Variants in GDAP1 observed in about 807,000 individuals in gnomAD.
GDAP1 encodes ganglioside induced differentiation associated protein 1, also known as ganglioside-induced differentiation-associated protein 1.
A neutral mutation model predicts 40.1 loss-of-function variants in GDAP1; 34 were observed. The ratio of observed to expected loss-of-function variants is 0.85; its 90% confidence interval spans 0.64 to 1.13. GDAP1 has a LOEUF of 1.13. Ranked by LOEUF, GDAP1 falls within the 50% of genes most tolerant of loss-of-function variation. The pLI is 0.00. For synonymous variants in GDAP1, 170 were observed against 157.4 expected, an observed-to-expected ratio of 1.08 and a Z score of -0.60; for missense variants, 374 against 433.7, an observed-to-expected ratio of 0.86 and a Z score of 1.22.
intron 2 of GDAP1, among the ~76,000 whole-genome samples, chr8:74,457,593 A>G (rs1806351740): frequency 6.6e-6 from 1 of 152,168 alleles, no homozygotes; most frequent in Non-Finnish European, 1.5e-5. Flanking sequence ...CGGAATAAAC[A>G]TTGATTTCAA....
At chr8:74,418,394 G>A (rs1217819882) in intron 2 of GDAP1, among the ~76,000 whole-genome samples, 1 of 152,118 alleles carries the variant, frequency 6.6e-6, no homozygotes, top group Non-Finnish European at 1.5e-5. Flanking sequence ...CAGAAATATG[G>A]CCAATTGATT....
chr8:74,411,378 C>T (rs1160486281), intron 2 of GDAP1, among the ~76,000 whole-genome samples: 10 of 149,636 alleles, frequency 6.7e-5, no homozygotes, highest in Non-Finnish European at 1.2e-4. Context: ...CTGTGTAATG[C>T]TATTAACTTT....
At chr8:74,400,662 A>G (rs1185208187) in intron 2 of GDAP1, among the ~76,000 whole-genome samples, 1 of 149,664 alleles carries the variant, frequency 6.7e-6, no homozygotes, top group Non-Finnish European at 1.5e-5. Context: ...GGTCTTTACA[A>G]TTTGGCATGA....
chr8:74,392,851 C>T (rs1243141516), intron 2 of GDAP1, among the ~76,000 whole-genome samples: 2 of 152,104 alleles, frequency 1.3e-5, no homozygotes, highest in Non-Finnish European at 2.9e-5. Flanking sequence ...CAGAAGGAGC[C>T]GTGTATGGAA....
intron 2 of GDAP1, among the ~76,000 whole-genome samples, chr8:74,385,118 GA>G (rs1224466240): frequency 2.0e-5 from 3 of 152,128 alleles, no homozygotes; most frequent in Admixed American, 6.6e-5. Context: ...GTAGGAATTA[GA>G]TATTACCAAA....
At chr8:74,464,442 A>G (rs553855427) in intron 2 of GDAP1, among the ~76,000 whole-genome samples, 2 of 152,360 alleles carry the variant, frequency 1.3e-5, no homozygotes, top group East Asian at 1.9e-4. Flanking sequence ...AGCAATTGAA[A>G]TAAGAACAAT....
At chr8:74,413,326 G>A (rs1805738601) in intron 2 of GDAP1, among the ~76,000 whole-genome samples, 1 of 149,710 alleles carries the variant, frequency 6.7e-6, no homozygotes. Flanking sequence ...AAATACCACT[G>A]AAGTGGTAGT....
At chr8:74,470,681 C>G (rs1049811504) in intron 2 of GDAP1, among the ~76,000 whole-genome samples, 4 of 152,166 alleles carry the variant, frequency 2.6e-5, no homozygotes, top group African/African-American at 9.7e-5. Flanking sequence ...GGTTCCAAGT[C>G]TTTGCTATTG....
At chr8:74,398,704 T>G (rs1482105189) in intron 2 of GDAP1, among the ~76,000 whole-genome samples, 1 of 152,194 alleles carries the variant, frequency 6.6e-6, no homozygotes, top group African/African-American at 2.4e-5. Context: ...ATAGCTCTTG[T>G]TATTTTGAGA....
chr8:74,466,553 A>C (rs1249534151), intron 2 of GDAP1, among the ~76,000 whole-genome samples: 1 of 152,242 alleles, frequency 6.6e-6, no homozygotes, highest in East Asian at 1.9e-4. Context: ...TAGAGCTTGC[A>C]AGATTCGCTG....
chr8:74,467,460 C>T (rs765023825), intron 2 of GDAP1, among the ~76,000 whole-genome samples: 1 of 151,950 alleles, frequency 6.6e-6, no homozygotes, highest in Non-Finnish European at 1.5e-5. Context: ...GGTTTGAGGG[C>T]TTATTTGAGA....
chr8:74,364,427 C>T lies in GDAP1; in HGVS notation c.*60C>T. ...GCATTTAGCTAGACCCTGTGATTGCCCGTGGCTCTCTGAGTCTGTCTTATT... is the reference window on the plus strand; with the variant it reads ...GCATTTAGCTAGACCCTGTGATTGCTCGTGGCTCTCTGAGTCTGTCTTATT... On this transcript the variant is annotated 3_prime_UTR_variant, in exon 6 of 6. Coordinates refer to ENST00000220822, the MANE Select transcript of GDAP1 (RefSeq NM_018972.4). The T allele has an allele frequency of 6.6e-7, 1 of 1,526,468 alleles. No homozygotes were observed. The highest frequency in any genetic ancestry group is 9.0e-7 in the Non-Finnish European group (1 of 1,109,612). The allele number at this position is 1,526,468 out of a possible 1,614,324, so 94.6% of individuals were successfully genotyped here.
downstream of GDAP1, among the ~76,000 whole-genome samples, chr8:74,371,344 C>G (rs1047141914): frequency 3.3e-5 from 5 of 152,162 alleles, no homozygotes; most frequent in Non-Finnish European, 7.3e-5. Context: ...TAACCCATGG[C>G]TGAAAGAAGA....
At chr8:74,410,080 G>T (rs1805690135) in intron 2 of GDAP1, among the ~76,000 whole-genome samples, 1 of 149,986 alleles carries the variant, frequency 6.7e-6, no homozygotes, top group South Asian at 2.1e-4. Flanking sequence ...TATCACTAAA[G>T]ATAATGGAGA....
chr8:74,392,804 C>G (rs1049920085), intron 2 of GDAP1, among the ~76,000 whole-genome samples: 1 of 152,168 alleles, frequency 6.6e-6, no homozygotes, highest in Non-Finnish European at 1.5e-5. Context: ...AGAATAGATA[C>G]AGATGTCAAG....
At chr8:74,377,160 G>A (rs1809869833) in intron 2 of GDAP1, among the ~76,000 whole-genome samples, 1 of 151,992 alleles carries the variant, frequency 6.6e-6, no homozygotes, top group Admixed American at 6.6e-5. Context: ...TACTAGAAAG[G>A]ACACAGAAAA....
Position 74,365,410 on chromosome 8 carries a change from G to T in GDAP1, c.*1043G>T, listed in dbSNP as rs762978513. 1.5e-5 allele frequency: 7 copies of T among 453,798 alleles called. No homozygotes were observed. Among genetic ancestry groups the T allele is most frequent in the South Asian group, 1.1e-4 (7 of 64,440 alleles). 28.1% of individuals were successfully genotyped at this position (453,798 alleles called of 1,614,324 possible). A position where few individuals can be genotyped will look rare whatever the true frequency, so the allele number is the denominator to read the frequency against. ...CACTGATGTATGTTTAAGGGATTTG[G>T]GGGGGATACCTCAGTTCATGTGGAA... On this transcript the variant is annotated 3_prime_UTR_variant, in exon 6 of 6. Transcript: ENST00000220822.
At chr8:74,440,827 A>G (rs968051391) in intron 2 of GDAP1, among the ~76,000 whole-genome samples, 1 of 152,110 alleles carries the variant, frequency 6.6e-6, no homozygotes, top group East Asian at 1.9e-4. Flanking sequence ...AGTGCCTACT[A>G]AGACTTATTT....
At position 74,434,422 on chromosome 8, in the gene GDAP1, A is replaced by T. The variant is rs1806064103; in HGVS notation, c.166-54256A>T. On this transcript the variant is annotated intron_variant, in intron 2 of 2. Transcript: ENST00000523640. ...CTCATGAAGTAATTAGACCATCAGT[A>T]TATACTGAAGATTTAAAATGAAGGT... Among the ~76,000 whole-genome samples, 3 of 152,196 alleles carry T rather than the reference A, an allele frequency of 2.0e-5. No homozygotes were observed. The South Asian group carries it at 6.2e-4, about 32-fold the overall frequency.
Sources: gnomAD v4.1 joint callset for allele counts (sites outside exome capture counted in the v4.1 genomes callset) on GRCh38, gnomAD v4.1.1 for gene constraint, MANE v1.5 for transcripts, NCBI Gene and HGNC (gene_info 2026-07-23, HGNC 2026-07-21) for gene names.